The following SAMMSON variants were observed in gnomAD, a reference collection of about 807,000 sequenced individuals.
SAMMSON encodes long intergenic non-protein coding RNA 1212.
chr3:70,066,798 C>G (rs1576113235), intron 3 of SAMMSON, among the ~76,000 whole-genome samples: 1 of 151,984 alleles, frequency 6.6e-6, no homozygotes, highest in Non-Finnish European at 1.5e-5. Flanking sequence ...GGCGGCTTTA[C>G]CTTAAGAACC....
intron 9 of SAMMSON, among the ~76,000 whole-genome samples, chr3:70,362,804 CTTTT>C (rs11360944): frequency 7.5e-6 from 1 of 134,032 alleles, no homozygotes; most frequent in Non-Finnish European, 1.6e-5. Context: ...GAAAGATCTG[CTTTT>C]TTTTTTTTTT....
intron 4 of SAMMSON, among the ~76,000 whole-genome samples, chr3:70,119,319 G>T (rs1394452597): frequency 1.3e-5 from 2 of 152,032 alleles, no homozygotes; most frequent in African/African-American, 4.8e-5. Flanking sequence ...CACCTGCCTT[G>T]GTCTCCCAAA....
intron 4 of SAMMSON, among the ~76,000 whole-genome samples, chr3:70,221,960 C>G (rs1189999313): frequency 3.3e-5 from 5 of 152,118 alleles, no homozygotes; most frequent in African/African-American, 1.2e-4. Context: ...ACCTCATTCC[C>G]TTTTAAGCAC....
intron 3 of SAMMSON, among the ~76,000 whole-genome samples, chr3:70,046,656 A>G (rs1171824717): frequency 6.6e-6 from 1 of 152,090 alleles, no homozygotes; most frequent in African/African-American, 2.4e-5. Flanking sequence ...TGCTTTTGCA[A>G]CAAACTACTG....
At chr3:70,198,262 C>T (rs1231487048) in intron 4 of SAMMSON, among the ~76,000 whole-genome samples, 1 of 152,108 alleles carries the variant, frequency 6.6e-6, no homozygotes, top group Non-Finnish European at 1.5e-5. Context: ...GTTTGACTTT[C>T]ATAAGGATCT....
intron 4 of SAMMSON, among the ~76,000 whole-genome samples, chr3:70,178,162 C>T (rs1701022637): frequency 6.6e-6 from 1 of 152,100 alleles, no homozygotes; most frequent in African/African-American, 2.4e-5. Flanking sequence ...TATGAGGGCT[C>T]TTCAAAACAG....
chr3:70,279,553 C>T (rs1237703218), intron 6 of SAMMSON, among the ~76,000 whole-genome samples: 1 of 152,152 alleles, frequency 6.6e-6, no homozygotes. Flanking sequence ...CCCATCATCA[C>T]CTTTCCTGGC....
intron 6 of SAMMSON, among the ~76,000 whole-genome samples, chr3:70,258,007 G>T (rs970214463): frequency 7.2e-5 from 11 of 152,196 alleles, no homozygotes; most frequent in African/African-American, 2.4e-4. Flanking sequence ...TGACAAAGAT[G>T]TCAAGGTAAT....
chr3:70,229,452 T>C (rs776627015), intron 4 of SAMMSON, among the ~76,000 whole-genome samples: 16 of 152,234 alleles, frequency 1.1e-4, no homozygotes, highest in Non-Finnish European at 1.3e-4. Flanking sequence ...AGCTAGATGC[T>C]ACATAGCAGA....
chr3:70,095,609 C>T (rs537710079), intron 4 of SAMMSON, among the ~76,000 whole-genome samples: 5 of 152,258 alleles, frequency 3.3e-5, no homozygotes, highest in Admixed American at 3.3e-4. Context: ...TGCCAATTGC[C>T]AGGAAGGGGA....
intron 4 of SAMMSON, among the ~76,000 whole-genome samples, chr3:70,143,908 G>A (rs1177004553): frequency 6.6e-6 from 1 of 152,124 alleles, no homozygotes; most frequent in Non-Finnish European, 1.5e-5. Context: ...TTTGTGAGAA[G>A]TTATTGTTTA....
chr3:70,173,538 T>TA (rs1170734862), intron 4 of SAMMSON, among the ~76,000 whole-genome samples: 2 of 151,966 alleles, frequency 1.3e-5, no homozygotes, highest in Non-Finnish European at 2.9e-5. Flanking sequence ...CCTTGATCTT[T>TA]ACCTCATCTG....
intron 3 of SAMMSON, among the ~76,000 whole-genome samples, chr3:70,052,576 C>T (rs899504589): frequency 6.6e-6 from 1 of 152,110 alleles, no homozygotes; most frequent in Non-Finnish European, 1.5e-5. Flanking sequence ...TGCCATTCCA[C>T]CTAACATTTG....
chr3:70,047,805 G>A (rs1283516066), intron 3 of SAMMSON, among the ~76,000 whole-genome samples: 2 of 152,090 alleles, frequency 1.3e-5, no homozygotes, highest in African/African-American at 2.4e-5. Flanking sequence ...GGCAGAAAGC[G>A]GAAGGGCAAG....
chr3:70,397,695 A>G (rs1183935731), intron 2 of SAMMSON, among the ~76,000 whole-genome samples: 2 of 152,114 alleles, frequency 1.3e-5, no homozygotes, highest in Admixed American at 6.6e-5. Context: ...TCCTAAAAGT[A>G]AAATTACTAG....
chr3:70,080,831 A>C (rs970921784), intron 4 of SAMMSON, among the ~76,000 whole-genome samples: 1 of 152,146 alleles, frequency 6.6e-6, no homozygotes, highest in African/African-American at 2.4e-5. Context: ...GATCCTTAGA[A>C]GTGTGAAAAA....
chr3:70,408,000 G>A (rs564316309), intron 2 of SAMMSON, among the ~76,000 whole-genome samples: 1 of 152,206 alleles, frequency 6.6e-6, no homozygotes, highest in Non-Finnish European at 1.5e-5. Flanking sequence ...CTGTGAACTC[G>A]CAGGCTCACC....
chr3:70,065,335 T>C (rs996543391), intron 3 of SAMMSON: 10 of 152,050 alleles, frequency 6.6e-5, no homozygotes, highest in Non-Finnish European at 1.2e-4. Context: ...GATGAACATT[T>C]AGAGTTTGGC....
At chr3:70,099,446 C>T (rs937788692) in intron 4 of SAMMSON, among the ~76,000 whole-genome samples, 1 of 152,178 alleles carries the variant, frequency 6.6e-6, no homozygotes, top group East Asian at 1.9e-4. Flanking sequence ...TCCATTTTTC[C>T]CATTCCTACC....
Sources: allele counts gnomAD v4.1 joint callset (sites outside exome capture counted in the v4.1 genomes callset), GRCh38; gene constraint gnomAD v4.1.1; transcripts MANE v1.5; gene names NCBI Gene and HGNC (gene_info 2026-07-23, HGNC 2026-07-21).